PSD3: variants seen among roughly 807,000 people sequenced by gnomAD.
The protein encoded by PSD3 is PH and SEC7 domain-containing protein 3.
In PSD3, 49 loss-of-function variants were observed where a neutral mutation model predicts 105.5. The ratio of observed to expected loss-of-function variants is 0.46; its 90% CI spans 0.37 to 0.59. The LOEUF (loss-of-function observed/expected upper bound fraction) is 0.59. Among genes scored for constraint, PSD3 ranks in the 20% least tolerant of loss-of-function variants. The pLI is 0.00. For synonymous variants in PSD3, 557 were observed against 457.8 expected (o/e 1.22, Z -2.77); for missense variants, 1,561 against 1,263.8 (o/e 1.24, Z -3.57).
At chr8:18,642,814 T>C (rs373823417) in intron 10 of PSD3, among the ~76,000 whole-genome samples, 1 of 152,364 alleles carries the variant, frequency 6.6e-6, no homozygotes, top group Non-Finnish European at 1.5e-5. Flanking sequence ...AAATGCCACT[T>C]AGACATGAAG....
chr8:18,673,898 T>G (rs1453261261), intron 9 of PSD3, among the ~76,000 whole-genome samples: 1 of 152,024 alleles, frequency 6.6e-6, no homozygotes, highest in Non-Finnish European at 1.5e-5. Context: ...TCCCAACGAT[T>G]TGGGAGGCCA....
intron 14 of PSD3, among the ~76,000 whole-genome samples, chr8:18,566,243 T>G (rs1801739028): frequency 6.6e-6 from 1 of 152,120 alleles, no homozygotes; most frequent in South Asian, 2.1e-4. Flanking sequence ...GAAAAATCCT[T>G]GCTGGGCAGG....
chr8:19,074,862 C>T (rs11992159), intron 1 of PSD3, among the ~76,000 whole-genome samples: 51,175 of 150,656 alleles, frequency 0.34, 8,917 homozygotes, highest in South Asian at 0.41. Context: ...CCTTGTGATC[C>T]GCCTGCCTCG....
chr8:18,898,178 G>T (rs984986170), intron 2 of PSD3, among the ~76,000 whole-genome samples: 5 of 152,124 alleles, frequency 3.3e-5, no homozygotes, highest in African/African-American at 9.7e-5. Context: ...CTGTATAGAT[G>T]ATCTATCTGA....
chr8:18,872,229 C>A lies in PSD3; in HGVS notation c.635G>T (p.Ser212Ile), dbSNP rs760617193. 88 of 1,614,060 alleles carry A rather than the reference C, an allele frequency of 5.5e-5. No homozygotes were observed. Among genetic ancestry groups the A allele is most frequent in the Non-Finnish European group, 5.4e-5 (64 of 1,180,038 alleles). The part of the protein sequence containing the change: ...EVTTEESFYL[S>I]IQKDLTALLT... ...CAGCGCGGTGAGATCTTTCTGGATG[C>A]TCAAATAAAAACTTTCCTCCGTTGT... Residue 212 changes from serine (S) to isoleucine (I), a missense_variant, in exon 3 of 16, where the codon AGC (serine) becomes ATC (isoleucine). Physicochemically the swap from Ser to Ile is moderately radical, Grantham distance 142. Transcript: ENST00000327040.
In PSD3 at chr8:18,595,226, C is replaced by CA. The variant is rs1225838444; in HGVS notation, c.2481+5137dup. ...CATGGTAAGCAAACAAACAAACAAA[C>CA]AAAAAAAACCCTAAAAGATACCCAA... On this transcript the variant is annotated intron_variant, in intron 12 of 15. Transcript: ENST00000327040. Among the ~76,000 whole-genome samples the CA allele has an allele frequency of 1.0e-4, 7 of 69,408 alleles. No individual in the cohort carries two copies. The East Asian group carries it at 1.8e-3, about 17-fold the overall frequency. The allele number at this position is 69,408 out of a possible 152,430, so 45.5% of individuals were successfully genotyped here.
intron 8 of PSD3, among the ~76,000 whole-genome samples, chr8:18,783,882 T>G (rs1206901535): frequency 6.6e-6 from 1 of 152,194 alleles, no homozygotes. Flanking sequence ...GTGATTTGCC[T>G]GCCTCGGCCT....
At chr8:19,023,565 G>A (rs1827435201) in intron 1 of PSD3, among the ~76,000 whole-genome samples, 1 of 149,466 alleles carries the variant, frequency 6.7e-6, no homozygotes, top group Non-Finnish European at 1.5e-5. Context: ...TGAGTAGCTG[G>A]AGACTACAGA....
intron 2 of PSD3, among the ~76,000 whole-genome samples, chr8:18,922,831 ATACAG>A (rs1437150929): frequency 6.6e-6 from 1 of 152,150 alleles, no homozygotes; most frequent in Non-Finnish European, 1.5e-5. Context: ...GTTACAAAGG[ATACAG>A]ATAAAGGGAT....
At chr8:18,877,127 T>A (rs1817778299) in intron 2 of PSD3, among the ~76,000 whole-genome samples, 1 of 152,212 alleles carries the variant, frequency 6.6e-6, no homozygotes, top group Non-Finnish European at 1.5e-5. Context: ...ATTTTTCACT[T>A]AATTGACAGT....
At chr8:18,923,705 T>C (rs1053619949) in intron 2 of PSD3, among the ~76,000 whole-genome samples, 2 of 152,150 alleles carry the variant, frequency 1.3e-5, no homozygotes, top group African/African-American at 4.8e-5. Context: ...TTATGATGTT[T>C]GCACAAAGAT....
chr8:18,954,735 A>T (rs1287921248), intron 1 of PSD3, among the ~76,000 whole-genome samples: 2 of 152,008 alleles, frequency 1.3e-5, no homozygotes, highest in Non-Finnish European at 2.9e-5. Flanking sequence ...CCTCACCCCA[A>T]ATATTCTGTT....
chr8:18,600,391 C>T lies in PSD3; in HGVS notation c.2454G>A (p.Leu818=), dbSNP rs1804349381. Residue 818 remains leucine, a synonymous_variant, in exon 12 of 16, where the codon CTG becomes CTA. Transcript: ENST00000327040. ...TTTGCAAGTAAAGAACTGTTCCCTTCAGTACAGCATAAAAGGTTTTCCATC... is the reference window on the plus strand; with the variant it reads ...TTTGCAAGTAAAGAACTGTTCCCTTTAGTACAGCATAAAAGGTTTTCCATC... The part of the protein sequence containing the change: ...KRGWKTFYAV[L]KGTVLYLQKD... The T allele has an allele frequency of 6.2e-7, 1 of 1,608,298 alleles. No individual in the cohort carries two copies. Among genetic ancestry groups the T allele is most frequent in the African/African-American group, 1.3e-5 (1 of 74,588 alleles).
intron 1 of PSD3, among the ~76,000 whole-genome samples, chr8:19,005,147 T>A (rs1190527328): frequency 6.6e-6 from 1 of 152,004 alleles, no homozygotes; most frequent in Non-Finnish European, 1.5e-5. Context: ...ACAAAACTTG[T>A]ATGCTTGTGT....
intron 2 of PSD3, among the ~76,000 whole-genome samples, chr8:18,874,406 C>T (rs932024481): frequency 2.0e-5 from 3 of 151,950 alleles, no homozygotes; most frequent in African/African-American, 7.3e-5. Context: ...ACCTCGTGAT[C>T]CACCTGCCTC....
chr8:18,637,420 C>T (rs571371932), intron 10 of PSD3, among the ~76,000 whole-genome samples: 1 of 152,224 alleles, frequency 6.6e-6, no homozygotes, highest in Admixed American at 6.5e-5. Flanking sequence ...ACTACAATGC[C>T]AAATGGAACA....
At chr8:19,061,732 G>A (rs1191418959) in intron 1 of PSD3, among the ~76,000 whole-genome samples, 1 of 151,696 alleles carries the variant, frequency 6.6e-6, no homozygotes, top group Admixed American at 6.6e-5. Flanking sequence ...TTGACCCCAG[G>A]AGGCGGAGGT....
At chr8:19,002,882 C>T (rs1439852915) in intron 1 of PSD3, among the ~76,000 whole-genome samples, 1 of 152,000 alleles carries the variant, frequency 6.6e-6, no homozygotes, top group East Asian at 1.9e-4. Flanking sequence ...TAGGCAATCA[C>T]AGTCTAGGGT....
In PSD3 at chr8:18,535,635, C is replaced by G. The variant is rs1799805493; in HGVS notation, c.*108G>C. The G allele has an allele frequency of 1.1e-6, 1 of 904,364 alleles. No homozygotes were observed. Among genetic ancestry groups the G allele is most frequent in the Admixed American group, 2.5e-5 (1 of 39,352 alleles). 56.0% of individuals were successfully genotyped at this position (904,364 alleles called of 1,614,324 possible). A position where few individuals can be genotyped will look rare whatever the true frequency, so the allele number is the denominator to read the frequency against. On this transcript the variant is annotated 3_prime_UTR_variant, in exon 16 of 16. Coordinates refer to ENST00000327040, the MANE Select transcript of PSD3 (RefSeq NM_015310.4). Reference sequence around the variant, plus strand: ...ACAATAGAAAAAATTACTAATGCACCGTTTTGTCACAGACTTTTTTTTTTT... The same window carrying G: ...ACAATAGAAAAAATTACTAATGCACGGTTTTGTCACAGACTTTTTTTTTTT...
Sources: gnomAD v4.1 joint callset for allele counts (sites outside exome capture counted in the v4.1 genomes callset) on GRCh38, gnomAD v4.1.1 for gene constraint, MANE v1.5 for transcripts, NCBI Gene and HGNC (gene_info 2026-07-23, HGNC 2026-07-21) for gene names.